The following TTF1 variants were observed in gnomAD, a reference collection of about 807,000 sequenced individuals.
The protein encoded by TTF1 is transcription termination factor, RNA polymerase I.
In TTF1, 64 loss-of-function variants were observed where a neutral mutation model predicts 80.2. The observed-to-expected ratio is 0.80, with a 90% CI of 0.65 to 0.98. The LOEUF is 0.98. TTF1 is among the 50% of genes least tolerant of loss of function. The pLI, the probability that TTF1 is intolerant of heterozygous loss-of-function variation, is 0.00. For missense variants in TTF1, 1,023 were observed against 1,086.2 expected, an observed-to-expected ratio of 0.94 and a Z score of 0.82; for synonymous variants, 372 against 382.7, an observed-to-expected ratio of 0.97 and a Z score of 0.33.
chr9:132,386,670 A>G, intron 8 of TTF1, 49 bp from the exon 9 acceptor site: 1 of 1,487,726 alleles, frequency 6.7e-7, no homozygotes, highest in Non-Finnish European at 9.4e-7. Context: ...TAATCATGAT[A>G]GCCATCTTCA....
intron 6 of TTF1, 77 bp downstream of exon 6, chr9:132,391,999 T>C: frequency 5.0e-6 from 8 of 1,591,832 alleles, no homozygotes; most frequent in Admixed American, 1.8e-5. Flanking sequence ...TTTCCGGGCA[T>C]TGGATCGGTT....
At chr9:132,396,661 G>A (rs1849655463) in intron 4 of TTF1, 150 bp from the exon 5 acceptor site, 3 of 568,206 alleles carry the variant, frequency 5.3e-6, no homozygotes, top group Non-Finnish European at 9.1e-6. Flanking sequence ...AAGCTGTCTT[G>A]TTTTTTTTGT....
At position 132,375,900 on chromosome 9, in the gene TTF1, C is replaced by T. The variant is rs772442939; in HGVS notation, c.*15G>A. On this transcript the variant is annotated 3_prime_UTR_variant, in exon 11 of 11. Transcript: ENST00000334270. ...TCTTCACCATGTTGGTCAGGCCGGT[C>T]TCGAACTCCTGACCTCAGATGATCC... 3.7e-5 allele frequency: 55 copies of T among 1,496,534 alleles called. No homozygotes were observed. The East Asian group carries it at 1.3e-3, about 34-fold the overall frequency. The allele number at this position is 1,496,534 out of a possible 1,614,324, so 92.7% of individuals were successfully genotyped here. A position where few individuals can be genotyped will look rare whatever the true frequency, so the allele number is the denominator to read the frequency against.
Position 132,400,069 on chromosome 9 carries a change from G to A in TTF1, c.1557C>T (p.Asp519=), listed in dbSNP as rs1430332580. Residue 519 remains aspartate (D), a synonymous_variant, in exon 3 of 11, where the codon GAC becomes GAT. Coordinates refer to ENST00000334270, the MANE Select transcript of TTF1 (RefSeq NM_007344.4). ...TAAATTCCTTAAACCGTTCCAAGTC[G>A]TCCCGGTACATCCGCTTGATTGTGC... The part of the protein sequence containing the change: ...ATSTIKRMYR[D]DLERFKEFKA... 8.7e-6 allele frequency: 14 copies of A among 1,613,994 alleles called. No homozygotes were observed. Among genetic ancestry groups the A allele is most frequent in the East Asian group, 4.5e-5 (2 of 44,892 alleles).
intron 10 of TTF1, among the ~76,000 whole-genome samples, chr9:132,378,376 GGT>G (rs144084682): frequency 3.3e-5 from 3 of 91,802 alleles, no homozygotes; most frequent in Admixed American, 1.3e-4. Context: ...GAATGCATGT[GGT>G]GTGTGTGAGT....
chr9:132,400,936 A>G (rs1849750021), intron 2 of TTF1, among the ~76,000 whole-genome samples: 1 of 152,262 alleles, frequency 6.6e-6, no homozygotes. Context: ...CTTATTTCAC[A>G]CATGAAGAAA....
Position 132,388,169 on chromosome 9 carries a change from G to A in TTF1, c.2282C>T (p.Ala761Val), listed in dbSNP as rs1234539639. 5 of 1,612,088 alleles carry A rather than the reference G, an allele frequency of 3.1e-6. No homozygotes were observed. In the Admixed American group the frequency reaches 5.0e-5, roughly 16 times the overall value. ...NGRRIYYGMN[A>V]LRAKVSLIER... ...AATAAGGCTGACCTTGGCCCGCAGG[G>A]CATTCATGCCATAGTAGATACGCCG... The change falls in exon 8 of 11, where the codon GCC (alanine) becomes GTC (valine). Residue 761 changes from alanine to valine, a missense_variant. By Grantham distance (64) the Ala-to-Val change is moderately conservative (BLOSUM62 0). Transcript: ENST00000334270.
intron 8 of TTF1, 71 bp downstream of exon 8, chr9:132,388,068 T>G: frequency 7.9e-7 from 1 of 1,259,206 alleles, no homozygotes. Flanking sequence ...CTGCAGACTC[T>G]GCTGGGTTAA....
chr9:132,399,579 A>G (rs1849721679), intron 3 of TTF1, among the ~76,000 whole-genome samples: 2 of 152,206 alleles, frequency 1.3e-5, no homozygotes, highest in Admixed American at 1.3e-4. Context: ...ATAATTCTTA[A>G]TAAGAGAGGT....
chr9:132,401,728 C>T lies in TTF1; in HGVS notation c.1094G>A (p.Ser365Asn), dbSNP rs1239918205. The T allele has an allele frequency of 6.2e-7, 1 of 1,614,268 alleles. No homozygotes were observed. Among genetic ancestry groups the T allele is most frequent in the Non-Finnish European group, 8.5e-7 (1 of 1,180,048 alleles). Residue 365 changes from serine (S) to asparagine (N), a missense_variant, in exon 2 of 11, where the codon AGT (serine) becomes AAT (asparagine). Coordinates refer to ENST00000334270, the MANE Select transcript of TTF1 (RefSeq NM_007344.4). The part of the protein sequence containing the change: ...SAYPEGSQVG[S>N]EVGTVEGSTA... ...ACTGCCTTCCACAGTCCCAACCTCACTGCCCACCTGTGATCCTTCAGGGTA... is the reference window on the plus strand; with the variant it reads ...ACTGCCTTCCACAGTCCCAACCTCATTGCCCACCTGTGATCCTTCAGGGTA...
At chr9:132,388,462 G>A (rs1166301) in intron 7 of TTF1, among the ~76,000 whole-genome samples, 139,649 of 152,022 alleles carry the variant, frequency 0.92, 65,175 homozygotes, top group Non-Finnish European at 1. Context: ...TCAGCCTCCC[G>A]AGTAGCTGGG....
chr9:132,383,375 A>G (rs1456504847), intron 9 of TTF1, among the ~76,000 whole-genome samples: 1 of 152,164 alleles, frequency 6.6e-6, no homozygotes, highest in African/African-American at 2.4e-5. Flanking sequence ...AGGGTGTACT[A>G]TATCAATGTG....
chr9:132,397,115 T>C (rs1318168506), intron 4 of TTF1, among the ~76,000 whole-genome samples: 1 of 152,208 alleles, frequency 6.6e-6, no homozygotes, highest in African/African-American at 2.4e-5. Context: ...CTTAGTACCC[T>C]GAGGCTTCAG....
At chr9:132,382,124 G>C (rs1370972026) in intron 9 of TTF1, among the ~76,000 whole-genome samples, 1 of 152,208 alleles carries the variant, frequency 6.6e-6, no homozygotes, top group Admixed American at 6.5e-5. Context: ...TATCGAGAGT[G>C]GTGGGCCCTC....
Position 132,377,389 on chromosome 9 carries a change from TGTGGTGTGAGTGCATGTG to T in TTF1, c.2465-1239_2465-1222del, listed in dbSNP as rs1564180998. Among the ~76,000 whole-genome samples, 557 of 130,418 alleles carry T rather than the reference TGTGGTGTGAGTGCATGTG, an allele frequency of 4.3e-3. 16 individuals carry two copies. The highest frequency in any genetic ancestry group is 0.016 in the African/African-American group (519 of 32,350). 85.6% of individuals were successfully genotyped at this position (130,418 alleles called of 152,430 possible). On this transcript the variant is annotated intron_variant, in intron 10 of 10. Coordinates refer to ENST00000334270, the MANE Select transcript of TTF1 (RefSeq NM_007344.4). ...AGTGCATGTGGTGTGTGTGAGTGCA[TGTGGTGTGAGTGCATGTG>T]GTGTGTGTGAGTGCATGCATGTGGT...
chr9:132,379,656 C>G (rs769690233), intron 9 of TTF1, among the ~76,000 whole-genome samples: 31 of 152,180 alleles, frequency 2.0e-4, no homozygotes, highest in Admixed American at 4.6e-4. Flanking sequence ...TAGTGTGACT[C>G]CAGATCCTAC....
At chr9:132,406,663 G>T (rs967113217) in intron 1 of TTF1, 127 bp downstream of exon 1, 1 of 149,914 alleles carries the variant, frequency 6.7e-6, no homozygotes, top group Non-Finnish European at 1.5e-5. Context: ...CTGGGGCAAA[G>T]ACCGCGGCCT....
At position 132,376,172 on chromosome 9, in the gene TTF1, C is replaced by T. The variant is rs1170585333; in HGVS notation, c.2465-4G>A. The T allele has an allele frequency of 6.2e-7, 1 of 1,607,360 alleles. No individual in the cohort carries two copies. Among genetic ancestry groups the T allele is most frequent in the East Asian group, 2.2e-5 (1 of 44,856 alleles). ...TCATAAAGGTAGTCGATGATCTCTA[C>T]AGAAAAGAAATTTAATTGTGCAGTT... On this transcript the variant is annotated splice_polypyrimidine_tract_variant and splice_region_variant and intron_variant, in intron 10 of 10. Coordinates refer to ENST00000334270, the MANE Select transcript of TTF1 (RefSeq NM_007344.4).
intron 1 of TTF1, among the ~76,000 whole-genome samples, chr9:132,404,048 TTC>T (rs1849816407): frequency 6.6e-6 from 1 of 152,238 alleles, no homozygotes; most frequent in Non-Finnish European, 1.5e-5. Flanking sequence ...TGTCTTATTG[TTC>T]TCTTTGCTCT....
Sources: allele counts gnomAD v4.1 joint callset (sites outside exome capture counted in the v4.1 genomes callset), GRCh38; gene constraint gnomAD v4.1.1; transcripts MANE v1.5; gene names NCBI Gene and HGNC (gene_info 2026-07-23, HGNC 2026-07-21).